The following NF1 variants were observed in gnomAD, a reference collection of about 807,000 sequenced individuals.
The protein encoded by NF1 is neurofibromin.
Under a neutral mutation model 325.7 loss-of-function variants are expected in NF1, and 122 were observed. The observed-to-expected ratio is 0.37, with a 90% CI of 0.32 to 0.44. NF1 has a LOEUF of 0.44. Among genes scored for constraint, NF1 ranks in the 20% least tolerant of loss-of-function variants. NF1 has a pLI of 1.00. For missense variants in NF1, 2,140 were observed against 3,415.4 expected (o/e 0.63, Z 9.31); for synonymous variants, 1,091 against 1,186.0 (o/e 0.92, Z 1.65).
rs187857143 is a variant in NF1 at position 31,281,064 on chromosome 17, T to G, written c.4835+15725T>G. 2.2e-3 allele frequency among the ~76,000 whole-genome samples: 328 copies of G among 152,318 alleles called. 5 individuals are homozygous for G. The highest frequency in any genetic ancestry group is 1.0e-3 in the South Asian group (5 of 4,826). On this transcript the variant is annotated intron_variant, in intron 36 of 57. Transcript: ENST00000358273. ...TACTACATTTCAAAAAGTCACTGGC[T>G]TATAAAAATATTTTTTAGCATCTCA...
intron 36 of NF1, among the ~76,000 whole-genome samples, chr17:31,274,836 C>T (rs1306321885): frequency 3.3e-5 from 5 of 152,142 alleles, no homozygotes; most frequent in Admixed American, 2.6e-4. Flanking sequence ...TACACTTACA[C>T]AACTCTTTAT....
At chr17:31,143,274 C>T (rs1916359577) in intron 1 of NF1, among the ~76,000 whole-genome samples, 1 of 151,772 alleles carries the variant, frequency 6.6e-6, no homozygotes, top group South Asian at 2.1e-4. Context: ...CACACGGACA[C>T]ACACACTCTT....
rs2151555446 is a variant in NF1 at position 31,336,981 on chromosome 17, T to C, written c.6427+67T>C. Reference sequence around the variant, plus strand: ...TCCATTTTACTTCACCTGATCAATATAGATTATCTTATTTATGTTTGTGCT... The same window carrying C: ...TCCATTTTACTTCACCTGATCAATACAGATTATCTTATTTATGTTTGTGCT... On this transcript the variant is annotated intron_variant, in intron 42 of 57. Coordinates refer to ENST00000358273, the MANE Select transcript of NF1 (RefSeq NM_001042492.3). This position sits in a 1 kb window ranked among gnomAD's most constrained non-coding sequence, Gnocchi z 5.5. The C allele has an allele frequency of 2.0e-6, 3 of 1,505,954 alleles. No homozygotes were observed. In the South Asian group the frequency reaches 3.4e-5, roughly 17 times the overall value. The allele number at this position is 1,505,954 out of a possible 1,614,324, so 93.3% of individuals were successfully genotyped here. A position where few individuals can be genotyped will look rare whatever the true frequency, so the allele number is the denominator to read the frequency against.
rs2151540678 is a variant in NF1 at position 31,327,479 on chromosome 17, C to G, written c.5269-20C>G. 6.3e-7 allele frequency: 1 copy of G among 1,595,678 alleles called. No individual in the cohort carries two copies. Among genetic ancestry groups the G allele is most frequent in the Non-Finnish European group, 8.6e-7 (1 of 1,166,420 alleles). Reference sequence around the variant, plus strand: ...GAGTTTAATTCTTCTCCACTTCACCCCGTCACCACCACTTTCCAGGTTGGT... The same window carrying G: ...GAGTTTAATTCTTCTCCACTTCACCGCGTCACCACCACTTTCCAGGTTGGT... On this transcript the variant is annotated intron_variant, in intron 37 of 57. Coordinates refer to ENST00000358273, the MANE Select transcript of NF1 (RefSeq NM_001042492.3).
intron 36 of NF1, among the ~76,000 whole-genome samples, chr17:31,305,923 A>G (rs2068708183): frequency 1.3e-5 from 2 of 152,156 alleles, no homozygotes; most frequent in African/African-American, 4.8e-5. Flanking sequence ...CTCTAGCTTC[A>G]TTATATTTCA....
chr17:31,364,340 T>C (rs952822889), intron 57 of NF1, among the ~76,000 whole-genome samples: 2 of 152,222 alleles, frequency 1.3e-5, no homozygotes, highest in African/African-American at 2.4e-5. Context: ...AAAAAGCAAA[T>C]GTTGCTGATC....
At position 31,326,143 on chromosome 17, in the gene NF1, A is replaced by G. The variant is rs1176053728; in HGVS notation, c.5159A>G (p.Glu1720Gly). Reference protein sequence around the residue: ...DCPGKLAEHIEHEQQKLPAAT... With the variant: ...DCPGKLAEHIGHEQQKLPAAT... Reference sequence around the variant, plus strand: ...CCTGGGAAACTGGCTGAGCACATAGAGCATGAACAACAGAAACTACCTGCT... The same window carrying G: ...CCTGGGAAACTGGCTGAGCACATAGGGCATGAACAACAGAAACTACCTGCT... Residue 1720 changes from glutamate (E) to glycine (G), a missense_variant, in exon 37 of 58, where the codon GAG (glutamate) becomes GGG (glycine). Around this residue, in one of 10 missense-constraint regions of NF1, gnomAD observed 147 missense variants for 186.7 expected, o/e 0.79. Transcript: ENST00000358273. 1 of 1,613,206 alleles carries G rather than the reference A, an allele frequency of 6.2e-7. No homozygotes were observed. Among genetic ancestry groups the G allele is most frequent in the South Asian group, 1.1e-5 (1 of 91,012 alleles).
At chr17:31,218,603 G>A (rs1466459644) in intron 13 of NF1, among the ~76,000 whole-genome samples, 1 of 147,888 alleles carries the variant, frequency 6.8e-6, no homozygotes, top group Non-Finnish European at 1.5e-5. Context: ...ATGGAGTCTC[G>A]CTCTGCCACC....
rs1555536374 is a variant in NF1 at position 31,352,413 on chromosome 17, T to C, written c.7614T>C (p.Leu2538=). The C allele has an allele frequency of 1.9e-6, 3 of 1,607,764 alleles. No homozygotes were observed. The highest frequency in any genetic ancestry group is 2.5e-6 in the Non-Finnish European group (3 of 1,177,108). The part of the protein sequence containing the change: ...QPSQANTKKL[L]GTRKSFDHLI... The stretch of plus-strand genomic sequence containing the variant: ...CTCAGGCCAACACTAAGAAGTTGCT[T>C]GGTTAGTTTATCTAAATTATGTAGA... Residue 2538 remains leucine, a splice_region_variant and synonymous_variant, in exon 51 of 58, where the codon CTT becomes CTC. Transcript: ENST00000358273.
chr17:31,309,265 C>T (rs1043759325), intron 36 of NF1, among the ~76,000 whole-genome samples: 4 of 152,180 alleles, frequency 2.6e-5, no homozygotes, highest in Admixed American at 6.5e-5. Flanking sequence ...GCACAGTAAA[C>T]ATTTAACCTG....
intron 1 of NF1, among the ~76,000 whole-genome samples, chr17:31,099,065 G>C (rs183303875): frequency 1.5e-4 from 23 of 152,020 alleles, no homozygotes; most frequent in Non-Finnish European, 2.9e-4. Flanking sequence ...TTACAGCTAA[G>C]AGTTTGCCTG....
chr17:31,305,650 A>G (rs2068700054), intron 36 of NF1: 8 of 1,568,066 alleles, frequency 5.1e-6, no homozygotes, highest in Non-Finnish European at 6.9e-6. Flanking sequence ...GTTTATAATG[A>G]AAGAGAAAGA....
intron 57 of NF1, chr17:31,362,247 G>A: frequency 1.1e-6 from 1 of 944,202 alleles, no homozygotes; most frequent in Non-Finnish European, 1.3e-6. Context: ...CATTTCAGCT[G>A]TGAAGGCCAG....
intron 1 of NF1, among the ~76,000 whole-genome samples, chr17:31,095,947 T>C (rs945388781): frequency 6.6e-6 from 1 of 152,142 alleles, no homozygotes; most frequent in East Asian, 1.9e-4. Context: ...TTTCTTACTT[T>C]CTGCTCCATC....
At chr17:31,180,685 C>G (rs988746583) in intron 5 of NF1, among the ~76,000 whole-genome samples, 13 of 152,160 alleles carry the variant, frequency 8.5e-5, no homozygotes, top group Admixed American at 6.5e-4. Flanking sequence ...AAAACTGGCA[C>G]AAGACAAGGA....
intron 1 of NF1, among the ~76,000 whole-genome samples, chr17:31,146,386 A>G (rs1435576618): frequency 6.6e-6 from 1 of 151,850 alleles, no homozygotes; most frequent in Admixed American, 6.6e-5. Flanking sequence ...CAACACATAC[A>G]GATTTAGATA....
In NF1 at chr17:31,256,358, C is replaced by T. The variant is rs148335480; in HGVS notation, c.4174-1986C>T. ...TTTGCCATGTTGGCCAGGCTGGTTTCGAACTCCTAGCCTCAAGTGATCTGC... is the reference window on the plus strand; with the variant it reads ...TTTGCCATGTTGGCCAGGCTGGTTTTGAACTCCTAGCCTCAAGTGATCTGC... On this transcript the variant is annotated intron_variant, in intron 31 of 57. Coordinates refer to ENST00000358273, the MANE Select transcript of NF1 (RefSeq NM_001042492.3). 7.6e-4 allele frequency among the ~76,000 whole-genome samples: 115 copies of T among 152,292 alleles called. 1 individual carries two copies. Among genetic ancestry groups the T allele is most frequent in the African/African-American group, 2.6e-3 (108 of 41,568 alleles).
Position 31,308,666 on chromosome 17 carries a change from C to T in NF1, c.4836-17154C>T, listed in dbSNP as rs1050236889. Among the ~76,000 whole-genome samples, 32 of 151,880 alleles carry T rather than the reference C, an allele frequency of 2.1e-4. 1 individual carries two copies. The highest frequency in any genetic ancestry group is 1.3e-4 in the Non-Finnish European group (9 of 68,002). On this transcript the variant is annotated intron_variant, in intron 36 of 57. Coordinates refer to ENST00000358273, the MANE Select transcript of NF1 (RefSeq NM_001042492.3). ...TTTTTATTTTTCTTCCAGACCTAGC[C>T]TCTTCCCCTTTCTGGCTGCATATCT...
At chr17:31,296,446 G>A in intron 36 of NF1, 1 of 1,003,578 alleles carries the variant, frequency 1.0e-6, no homozygotes. Context: ...TTGTTGTCGA[G>A]TCCTTTTATA....
Sources: allele counts gnomAD v4.1 joint callset (sites outside exome capture counted in the v4.1 genomes callset), GRCh38; gene constraint gnomAD v4.1.1; regional missense constraint gnomAD v4.1.1; non-coding constraint Gnocchi (gnomAD v3.1); transcripts MANE v1.5; gene names NCBI Gene and HGNC (gene_info 2026-07-23, HGNC 2026-07-21).